The following ARL3 variants were observed in gnomAD, a reference collection of about 807,000 sequenced individuals.
ARL3 encodes the protein ARF like GTPase 3.
Under a neutral mutation model 26.0 loss-of-function variants are expected in ARL3, and 9 were observed. The observed-to-expected ratio is 0.35, with a 90% confidence interval of 0.21 to 0.60. ARL3 has a LOEUF of 0.60. Ranked by LOEUF, ARL3 falls within the 20% of genes least tolerant of loss-of-function variation. The pLI is 0.78. For synonymous variants in ARL3, 71 were observed against 78.4 expected (o/e 0.91, Z 0.50); for missense variants, 158 against 215.7 (o/e 0.73, Z 1.67).
At chr10:102,690,151 C>T (rs944025081) in intron 3 of ARL3, among the ~76,000 whole-genome samples, 1 of 152,118 alleles carries the variant, frequency 6.6e-6, no homozygotes, top group Non-Finnish European at 1.5e-5. Context: ...ATACCTTCAG[C>T]AATGCTCCAA....
At position 102,714,291 on chromosome 10, in the gene ARL3, CT is replaced by C; in HGVS notation, c.-17del. ...CACTCACCATCCTCCCGCCGAGTCCCTCCTCCTCCTCCTCCTCCTGCTGCCT... is the reference window on the plus strand; with the variant it reads ...CACTCACCATCCTCCCGCCGAGTCCCCCTCCTCCTCCTCCTCCTGCTGCCT... On this transcript the variant is annotated 5_prime_UTR_variant, in exon 1 of 6. Transcript: ENST00000260746. 2 of 951,786 alleles carry C rather than the reference CT, an allele frequency of 2.1e-6. No individual in the cohort carries two copies. Among genetic ancestry groups the C allele is most frequent in the Non-Finnish European group, 2.8e-6 (2 of 725,716 alleles). 59.0% of individuals were successfully genotyped at this position (951,786 alleles called of 1,614,324 possible).
chr10:102,713,032 A>G (rs1288998114), intron 1 of ARL3, among the ~76,000 whole-genome samples: 1 of 151,602 alleles, frequency 6.6e-6, no homozygotes, highest in Non-Finnish European at 1.5e-5. Flanking sequence ...CTCACTGGAT[A>G]ATCTGACCAA....
At chr10:102,702,328 G>A (rs2064284290) in intron 2 of ARL3, among the ~76,000 whole-genome samples, 1 of 151,908 alleles carries the variant, frequency 6.6e-6, no homozygotes, top group South Asian at 2.1e-4. Context: ...TGTGAACAGT[G>A]GTATGTCTGA....
chr10:102,689,335 A>G (rs185654762), intron 4 of ARL3, among the ~76,000 whole-genome samples: 76 of 151,490 alleles, frequency 5.0e-4, no homozygotes, highest in South Asian at 3.6e-3. Context: ...TGGAGGGGGG[A>G]AAAAAAAACT....
intron 1 of ARL3, among the ~76,000 whole-genome samples, chr10:102,708,908 A>ATATATTT: frequency 7.3e-5 from 7 of 95,328 alleles, no homozygotes; most frequent in Non-Finnish European, 1.2e-4. Flanking sequence ...ATATATATAT[A>ATATATTT]TTTTTTTTTT....
intron 1 of ARL3, among the ~76,000 whole-genome samples, chr10:102,706,528 G>A (rs1343114161): frequency 6.6e-6 from 1 of 152,094 alleles, no homozygotes; most frequent in Admixed American, 6.6e-5. Flanking sequence ...TCTTTCACAA[G>A]ACCCTACAGG....
rs2064132352 is a variant in ARL3 at position 102,676,694 on chromosome 10, T to C, written c.*200A>G. 3.6e-6 allele frequency: 2 copies of C among 558,950 alleles called. No homozygotes were observed. The highest frequency in any genetic ancestry group is 6.4e-6 in the Non-Finnish European group (2 of 313,476). The allele number at this position is 558,950 out of a possible 1,614,324, so 34.6% of individuals were successfully genotyped here. ...AGAGGAAATAATATAATTCCTTTAT[T>C]TGAAAAATGATACTGAACCTCAGAG... On this transcript the variant is annotated 3_prime_UTR_variant, in exon 6 of 6. Coordinates refer to ENST00000260746, the MANE Select transcript of ARL3 (RefSeq NM_004311.4).
chr10:102,713,315 G>C (rs2064358109), intron 1 of ARL3, among the ~76,000 whole-genome samples: 3 of 152,104 alleles, frequency 2.0e-5, no homozygotes, highest in South Asian at 4.1e-4. Flanking sequence ...AAGAAACAGA[G>C]TGTCAACGGT....
At chr10:102,683,004 G>A (rs540486291) in intron 5 of ARL3, among the ~76,000 whole-genome samples, 1 of 152,222 alleles carries the variant, frequency 6.6e-6, no homozygotes, top group East Asian at 1.9e-4. Context: ...GATCTTTATT[G>A]ATATTTTTCT....
chr10:102,698,893 C>T (rs1297285291), intron 3 of ARL3, among the ~76,000 whole-genome samples: 1 of 152,186 alleles, frequency 6.6e-6, no homozygotes, highest in Non-Finnish European at 1.5e-5. Context: ...ACTATTCAAT[C>T]CCTCTGACTT....
At chr10:102,703,200 T>C (rs2064289690) in intron 2 of ARL3, among the ~76,000 whole-genome samples, 1 of 148,200 alleles carries the variant, frequency 6.7e-6, no homozygotes, top group African/African-American at 2.5e-5. Context: ...CAGCTCACTG[T>C]AATCTCCGCC....
intron 3 of ARL3, among the ~76,000 whole-genome samples, chr10:102,692,002 C>A (rs6584518): frequency 1 from 152,075 of 152,312 alleles, 75,919 homozygotes; most frequent in East Asian, 1. Context: ...TCAATCCAAA[C>A]TATTATCTTG....
chr10:102,686,628 C>CT (rs552145937), intron 4 of ARL3, among the ~76,000 whole-genome samples: 1 of 151,736 alleles, frequency 6.6e-6, no homozygotes, highest in South Asian at 2.1e-4. Flanking sequence ...CCATGCCCAG[C>CT]TAATTTCTGT....
At chr10:102,697,824 T>C (rs1328969517) in intron 3 of ARL3, among the ~76,000 whole-genome samples, 1 of 152,098 alleles carries the variant, frequency 6.6e-6, no homozygotes, top group East Asian at 1.9e-4. Flanking sequence ...AAGACAATGT[T>C]TCAAAGAGAG....
At chr10:102,689,709 T>G (rs571535968) in intron 4 of ARL3, among the ~76,000 whole-genome samples, 184 bp downstream of exon 4, 21 of 152,050 alleles carry the variant, frequency 1.4e-4, no homozygotes, top group African/African-American at 3.4e-4. Flanking sequence ...TGCATGCTAA[T>G]TCCAGCTACT....
rs1480116759 is a variant in ARL3 at position 102,676,224 on chromosome 10, T to A, written c.*670A>T. The stretch of plus-strand genomic sequence containing the variant: ...GGGGCAGAGGCAGGGGTGGGTGGGA[T>A]GGGGTATGTTTCTGTAGTGACTTGT... On this transcript the variant is annotated 3_prime_UTR_variant, in exon 6 of 6. Transcript: ENST00000260746. The A allele has an allele frequency of 1.2e-5, 1 of 84,358 alleles. No individual in the cohort carries two copies. Among genetic ancestry groups the A allele is most frequent in the African/African-American group, 4.5e-5 (1 of 22,452 alleles). The allele number at this position is 84,358 out of a possible 1,614,324, so 5.2% of individuals were successfully genotyped here.
intron 3 of ARL3, among the ~76,000 whole-genome samples, chr10:102,698,435 T>C (rs1395934718): frequency 2.6e-5 from 4 of 152,246 alleles, no homozygotes; most frequent in Non-Finnish European, 5.9e-5. Context: ...GTTTATTGCC[T>C]TTCATCATAA....
At chr10:102,679,641 C>A (rs938218847) in intron 5 of ARL3, among the ~76,000 whole-genome samples, 3 of 152,168 alleles carry the variant, frequency 2.0e-5, no homozygotes, top group Non-Finnish European at 4.4e-5. Context: ...CTGGTTTTAT[C>A]CTCCTTGTGA....
At chr10:102,709,602 G>A (rs1218096073) in intron 1 of ARL3, among the ~76,000 whole-genome samples, 1 of 142,984 alleles carries the variant, frequency 7.0e-6, no homozygotes, top group South Asian at 2.3e-4. Context: ...AACTATGGTC[G>A]GGCCACTGCA....
Sources: gnomAD v4.1 joint callset for allele counts (sites outside exome capture counted in the v4.1 genomes callset) on GRCh38, gnomAD v4.1.1 for gene constraint, MANE v1.5 for transcripts, NCBI Gene and HGNC (gene_info 2026-07-23, HGNC 2026-07-21) for gene names.